PPP1R1C: variants seen among roughly 807,000 people sequenced by gnomAD.
PPP1R1C encodes protein phosphatase 1 regulatory inhibitor subunit 1C, also known as protein phosphatase 1 regulatory subunit 1C.
In PPP1R1C, 15 loss-of-function variants were observed where a neutral mutation model predicts 17.4. The ratio of observed to expected loss-of-function variants is 0.86; its 90% CI spans 0.58 to 1.33. PPP1R1C has a LOEUF of 1.33. Among genes scored for constraint, PPP1R1C ranks in the 40% most tolerant of loss-of-function variants. PPP1R1C has a pLI of 0.00. For synonymous variants in PPP1R1C, 35 were observed against 43.1 expected, an observed-to-expected ratio of 0.81 and a Z score of 0.73; for missense variants, 143 against 130.0, an observed-to-expected ratio of 1.10 and a Z score of -0.48.
intron 4 of PPP1R1C, among the ~76,000 whole-genome samples, chr2:182,077,892 G>A (rs928580568): frequency 2.0e-5 from 3 of 152,168 alleles, no homozygotes; most frequent in African/African-American, 7.2e-5. Flanking sequence ...TTAAGAAGTG[G>A]AACCCTTGCC....
At chr2:182,106,145 C>T (rs536904019) in intron 4 of PPP1R1C, among the ~76,000 whole-genome samples, 1 of 152,142 alleles carries the variant, frequency 6.6e-6, no homozygotes, top group Non-Finnish European at 1.5e-5. Flanking sequence ...ACAATTGATA[C>T]AGGAGTGGGG....
chr2:182,018,094 A>T (rs1360866307), intron 2 of PPP1R1C, among the ~76,000 whole-genome samples: 1 of 152,192 alleles, frequency 6.6e-6, no homozygotes, highest in Non-Finnish European at 1.5e-5. Flanking sequence ...TGTCTTCTTA[A>T]ATATTTAAAG....
intron 1 of PPP1R1C, among the ~76,000 whole-genome samples, chr2:181,956,548 C>T (rs1684673333): frequency 6.6e-6 from 1 of 152,210 alleles, no homozygotes; most frequent in African/African-American, 2.4e-5. Context: ...CACATCCTCT[C>T]CAGCATCTGT....
At chr2:182,002,927 A>ACCCCCCCCCCCCCCCCCCCCCCCC (rs200353111) in intron 2 of PPP1R1C, among the ~76,000 whole-genome samples, 2 of 90,920 alleles carry the variant, frequency 2.2e-5, no homozygotes, top group African/African-American at 4.4e-5. Context: ...GATGCCATAA[A>ACCCCCCCCCCCCCCCCCCCCCCCC]CCTCCCCCCC....
chr2:182,002,939 C>T (rs561741478), intron 2 of PPP1R1C, among the ~76,000 whole-genome samples: 3 of 141,454 alleles, frequency 2.1e-5, no homozygotes, highest in Non-Finnish European at 3.2e-5. Context: ...CTCCCCCCCC[C>T]CACAACCCTG....
rs201618338 is a variant in PPP1R1C, at chr2:181,965,137, A to T, written n.112-10082A>T. Among the ~76,000 whole-genome samples, 9 of 152,284 alleles carry T rather than the reference A, an allele frequency of 5.9e-5. No homozygotes were observed. The East Asian group carries it at 1.3e-3, about 23-fold the overall frequency. On this transcript the variant is annotated intron_variant and non_coding_transcript_variant, in intron 1 of 5. Transcript: ENST00000464264. ...ATTCAGATCTTTTCTCCATTTTTAA[A>T]TTGGATTATTAGATTTTTTTCCTAT...
At chr2:181,989,156 C>T (rs1452518131) in intron 2 of PPP1R1C, among the ~76,000 whole-genome samples, 1 of 152,166 alleles carries the variant, frequency 6.6e-6, no homozygotes, top group African/African-American at 2.4e-5. Context: ...TAAAACTTTC[C>T]TCCCTATGCC....
intron 2 of PPP1R1C, among the ~76,000 whole-genome samples, chr2:182,051,987 A>G (rs907631628): frequency 4.6e-5 from 7 of 151,622 alleles, no homozygotes; most frequent in African/African-American, 7.3e-5. Flanking sequence ...TGGGCGACAC[A>G]GTGAGACTCT....
At chr2:182,060,328 A>G (rs1687813804) in intron 2 of PPP1R1C, among the ~76,000 whole-genome samples, 1 of 152,120 alleles carries the variant, frequency 6.6e-6, no homozygotes, top group South Asian at 2.1e-4. Flanking sequence ...GGTTGGATTT[A>G]TAGAGAAATT....
At chr2:182,036,866 C>T (rs994197390) in intron 2 of PPP1R1C, among the ~76,000 whole-genome samples, 4 of 152,084 alleles carry the variant, frequency 2.6e-5, no homozygotes, top group South Asian at 2.1e-4. Flanking sequence ...CACTAGAAGC[C>T]TGGATTTTTA....
At chr2:182,044,744 A>G (rs772007015) in intron 2 of PPP1R1C, among the ~76,000 whole-genome samples, 14 of 152,244 alleles carry the variant, frequency 9.2e-5, no homozygotes, top group East Asian at 1.9e-4. Context: ...AAAAGGATGC[A>G]TAGCACAGAG....
chr2:181,982,560 A>G (rs1013045518), upstream of PPP1R1C, among the ~76,000 whole-genome samples: 20 of 152,250 alleles, frequency 1.3e-4, no homozygotes, highest in African/African-American at 4.8e-4. Context: ...ATAATTAAAT[A>G]CCAGGAGAGG....
rs56742693 is a variant in PPP1R1C at position 182,061,768 on chromosome 2, A to ACAC, written c.180+293_180+295dup. 7.6e-3 allele frequency among the ~76,000 whole-genome samples: 1,162 copies of ACAC among 152,198 alleles called. 13 individuals carry two copies. The highest frequency in any genetic ancestry group is 0.026 in the African/African-American group (1,081 of 41,538). On this transcript the variant is annotated intron_variant, in intron 3 of 4. Transcript: ENST00000682840. ...CAATTTATTGAGTGATTATATATGC[A>ACAC]CACCACAGGCTAAGCCAAGTAATGC...
intron 1 of PPP1R1C, among the ~76,000 whole-genome samples, chr2:181,968,547 T>G (rs1301132115): frequency 1.3e-5 from 2 of 152,232 alleles, no homozygotes; most frequent in African/African-American, 2.4e-5. Context: ...ACATGGAATG[T>G]CTTTTCCCAT....
chr2:182,074,281 T>A (rs1003113901), intron 4 of PPP1R1C, among the ~76,000 whole-genome samples: 1 of 152,002 alleles, frequency 6.6e-6, no homozygotes, highest in Non-Finnish European at 1.5e-5. Context: ...GACCTCATGA[T>A]CCGCCCGCCT....
intron 2 of PPP1R1C, among the ~76,000 whole-genome samples, chr2:182,036,583 T>A (rs1393081557): frequency 6.6e-6 from 1 of 152,214 alleles, no homozygotes; most frequent in Non-Finnish European, 1.5e-5. Context: ...AGGTGATCTC[T>A]AAGGTATCTC....
At chr2:182,051,604 A>G (rs1293024529) in intron 2 of PPP1R1C, among the ~76,000 whole-genome samples, 1 of 152,208 alleles carries the variant, frequency 6.6e-6, no homozygotes, top group Non-Finnish European at 1.5e-5. Context: ...TCAGTGTGAA[A>G]AGATGTGGAA....
chr2:182,046,263 C>T (rs1687344505), intron 2 of PPP1R1C, among the ~76,000 whole-genome samples: 1 of 152,042 alleles, frequency 6.6e-6, no homozygotes, highest in African/African-American at 2.4e-5. Flanking sequence ...TCTAGATTTA[C>T]TTAACCTACA....
chr2:182,126,013 A>G (rs545349003), intron 5 of PPP1R1C, among the ~76,000 whole-genome samples: 3 of 152,154 alleles, frequency 2.0e-5, no homozygotes, highest in East Asian at 3.9e-4. Context: ...TAGGGTGTCA[A>G]TTTTAGATCT....
Sources: gnomAD v4.1 joint callset for allele counts (sites outside exome capture counted in the v4.1 genomes callset) on GRCh38, gnomAD v4.1.1 for gene constraint, MANE v1.5 for transcripts, NCBI Gene and HGNC (gene_info 2026-07-23, HGNC 2026-07-21) for gene names.